PPP4R3B: variants seen among roughly 807,000 people sequenced by gnomAD.
The protein encoded by PPP4R3B is serine/threonine-protein phosphatase 4 regulatory subunit 3B.
PPP4R3B carries 52 observed loss-of-function variants against 95.4 expected under a neutral mutation model. The observed-to-expected ratio is 0.54, with a 90% confidence interval of 0.44 to 0.69. The LOEUF is 0.69. Among genes scored for constraint, PPP4R3B ranks in the 30% least tolerant of loss-of-function variants. The pLI, the probability that PPP4R3B is intolerant of heterozygous loss-of-function variation, is 0.00. For synonymous variants in PPP4R3B, 407 were observed against 343.9 expected, an observed-to-expected ratio of 1.18 and a Z score of -2.03; for missense variants, 1,003 against 1,005.9, an observed-to-expected ratio of 1.00 and a Z score of 0.04.
chr2:55,594,964 C>T lies in PPP4R3B; in HGVS notation c.921+3452G>A, dbSNP rs114161492. 2.1e-4 allele frequency among the ~76,000 whole-genome samples: 32 copies of T among 150,836 alleles called. 1 individual carries two copies. Among genetic ancestry groups the T allele is most frequent in the African/African-American group, 5.6e-4 (23 of 41,160 alleles). On this transcript the variant is annotated intron_variant, in intron 4 of 16. Coordinates refer to ENST00000616407, the MANE Select transcript of PPP4R3B (RefSeq NM_001122964.3). Reference sequence around the variant, plus strand: ...GGTGGGAAACGTCGCAAAATGAAGTCGATTAGCTAGGCACTAAGTCAGAGA... The same window carrying T: ...GGTGGGAAACGTCGCAAAATGAAGTTGATTAGCTAGGCACTAAGTCAGAGA...
chr2:55,586,518 T>C, intron 6 of PPP4R3B, 100 bp downstream of exon 6: 2 of 641,794 alleles, frequency 3.1e-6, no homozygotes, highest in Non-Finnish European at 5.3e-6. Flanking sequence ...ATAGCTAAAC[T>C]ATAGAATTGA....
At chr2:55,595,915 C>G (rs898948564) in intron 4 of PPP4R3B, among the ~76,000 whole-genome samples, 1 of 152,066 alleles carries the variant, frequency 6.6e-6, no homozygotes, top group African/African-American at 2.4e-5. Flanking sequence ...ATGGAAATAA[C>G]AAAAGCAGTT....
chr2:55,594,951 C>T (rs1038361165), intron 4 of PPP4R3B, among the ~76,000 whole-genome samples: 2 of 151,358 alleles, frequency 1.3e-5, no homozygotes, highest in Non-Finnish European at 2.9e-5. Flanking sequence ...TGGGAAACGT[C>T]GCAAAATGAA....
chr2:55,588,885 A>G lies in PPP4R3B; in HGVS notation c.993T>C (p.Arg331=), dbSNP rs761893942. Residue 331 remains arginine, a synonymous_variant, in exon 5 of 17, where the codon CGT becomes CGC. Transcript: ENST00000616407. ...TTTGAATTTCATAACTTACCAATTC[A>G]CGCCGTTTATCATCATCTGTAGCCT... ...TDEATDDDKR[R]ELVNFFKEFC... The G allele has an allele frequency of 6.2e-7, 1 of 1,605,808 alleles. No homozygotes were observed. The highest frequency in any genetic ancestry group is 8.5e-7 in the Non-Finnish European group (1 of 1,174,746).
chr2:55,556,927 G>T (rs1685915496), intron 16 of PPP4R3B, among the ~76,000 whole-genome samples: 1 of 152,156 alleles, frequency 6.6e-6, no homozygotes, highest in African/African-American at 2.4e-5. Flanking sequence ...GCCAGGCATA[G>T]TGGCATGCGC....
chr2:55,560,561 G>C (rs1231101774), intron 15 of PPP4R3B, among the ~76,000 whole-genome samples: 1 of 151,978 alleles, frequency 6.6e-6, no homozygotes, highest in Non-Finnish European at 1.5e-5. Context: ...AGCGGATCAC[G>C]AAGTCAGGAG....
intron 5 of PPP4R3B, among the ~76,000 whole-genome samples, 156 bp downstream of exon 5, chr2:55,588,723 T>G (rs941957745): frequency 6.6e-6 from 1 of 152,112 alleles, no homozygotes; most frequent in African/African-American, 2.4e-5. Context: ...TTTTAGAAAC[T>G]CTGAATAATC....
chr2:55,601,141 C>CAAAA (rs397871165), intron 3 of PPP4R3B, among the ~76,000 whole-genome samples: 2 of 99,122 alleles, frequency 2.0e-5, no homozygotes, highest in African/African-American at 8.1e-5. Flanking sequence ...GACCATGTCT[C>CAAAA]AAAAAAAAAA....
intron 11 of PPP4R3B, among the ~76,000 whole-genome samples, chr2:55,574,183 G>A (rs1362774257): frequency 2.0e-5 from 3 of 151,510 alleles, no homozygotes; most frequent in South Asian, 2.1e-4. Flanking sequence ...GTAAGCCCCT[G>A]CACCTGGCCT....
intron 1 of PPP4R3B, among the ~76,000 whole-genome samples, chr2:55,616,826 C>T (rs1559070650): frequency 6.6e-6 from 1 of 152,036 alleles, no homozygotes; most frequent in African/African-American, 2.4e-5. Flanking sequence ...AAGGTGTCAG[C>T]TCCTAGGGCG....
chr2:55,573,540 G>A, intron 12 of PPP4R3B, 79 bp downstream of exon 12: 2 of 1,263,956 alleles, frequency 1.6e-6, no homozygotes, highest in Non-Finnish European at 2.2e-6. Flanking sequence ...AATATACACT[G>A]CTAATAAATA....
intron 5 of PPP4R3B, among the ~76,000 whole-genome samples, chr2:55,587,375 G>T (rs1160650526): frequency 6.6e-6 from 1 of 152,204 alleles, no homozygotes; most frequent in African/African-American, 2.4e-5. Flanking sequence ...CTTGAGTCCA[G>T]GAATTTGAGA....
intron 16 of PPP4R3B, among the ~76,000 whole-genome samples, chr2:55,555,395 C>T (rs2103801900): frequency 1.3e-5 from 2 of 151,176 alleles, no homozygotes; most frequent in East Asian, 3.9e-4. Context: ...ATCCTAAGAT[C>T]ACCACTTGAG....
At chr2:55,615,379 C>T in intron 2 of PPP4R3B, 72 bp downstream of exon 2, 1 of 1,092,420 alleles carries the variant, frequency 9.2e-7, no homozygotes, top group Non-Finnish European at 1.4e-6. Flanking sequence ...GAAAGCTTTC[C>T]CACCTTTGTC....
chr2:55,583,530 G>T (rs1689703580), intron 7 of PPP4R3B, among the ~76,000 whole-genome samples: 1 of 152,172 alleles, frequency 6.6e-6, no homozygotes, highest in African/African-American at 2.4e-5. Context: ...TAAGATCATG[G>T]TCTGAGATTG....
chr2:55,584,383 T>C (rs996027984), intron 7 of PPP4R3B, among the ~76,000 whole-genome samples: 1 of 152,126 alleles, frequency 6.6e-6, no homozygotes, highest in Admixed American at 6.5e-5. Flanking sequence ...GGGGAACAGG[T>C]GGTGTTTGGT....
At chr2:55,584,950 C>T in intron 7 of PPP4R3B, 101 bp downstream of exon 7, 3 of 920,780 alleles carry the variant, frequency 3.3e-6, no homozygotes, top group Non-Finnish European at 4.9e-6. Flanking sequence ...TATTTTGCTC[C>T]CAAGAAAGAT....
chr2:55,572,043 G>C (rs1468599489), intron 12 of PPP4R3B, among the ~76,000 whole-genome samples: 1 of 152,202 alleles, frequency 6.6e-6, no homozygotes, highest in East Asian at 1.9e-4. Context: ...GAAAGGTATG[G>C]TTGCCTTAAT....
rs567570024 is a variant in PPP4R3B, at chr2:55,598,998, G to A, written c.339C>T (p.Leu113=). The A allele has an allele frequency of 6.2e-7, 1 of 1,613,952 alleles. No homozygotes were observed. The highest frequency in any genetic ancestry group is 2.2e-5 in the East Asian group (1 of 44,882). The change falls in exon 4 of 17, where the codon CTC becomes CTT. Residue 113 remains leucine (L), a synonymous_variant. Transcript: ENST00000616407. ...ATCGTTCTTCTTCAGATTCATCAAT[G>A]AGGTCCTGTGTGACTTCCACTGATG... ...KDPSVEVTQD[L]IDESEEERFE...
Sources: allele counts gnomAD v4.1 joint callset (sites outside exome capture counted in the v4.1 genomes callset), GRCh38; gene constraint gnomAD v4.1.1; transcripts MANE v1.5; gene names NCBI Gene and HGNC (gene_info 2026-07-23, HGNC 2026-07-21).